Variants in CHST5 observed in about 807,000 individuals in gnomAD.
CHST5 encodes carbohydrate sulfotransferase 5, also known as GST4-alpha.
For synonymous variants in CHST5, 313 were observed against 279.2 expected (o/e 1.12, Z -1.21); for missense variants, 637 against 602.1 (o/e 1.06, Z -0.61).
intron 2 of CHST5, among the ~76,000 whole-genome samples, chr16:75,533,442 G>A (rs2080539576): frequency 6.6e-6 from 1 of 152,184 alleles, no homozygotes; most frequent in African/African-American, 2.4e-5. Flanking sequence ...GCAGGGCCCT[G>A]TGGTGGGTCA....
At position 75,529,598 on chromosome 16, in the gene CHST5, G is replaced by C. The variant is rs2080495027; in HGVS notation, c.787C>G (p.Leu263Val). 1.9e-6 allele frequency: 3 copies of C among 1,610,484 alleles called. No individual in the cohort carries two copies. The highest frequency in any genetic ancestry group is 2.5e-6 in the Non-Finnish European group (3 of 1,178,968). The stretch of plus-strand genomic sequence containing the variant: ...TGGCTGCGGCACACCTCGCGAATCA[G>C]GCGCAGGTGAGGGTCGGCCTCCACC... Reference protein sequence around the residue: ...KWVEADPHLRLIREVCRSHVR... With the variant: ...KWVEADPHLRVIREVCRSHVR... Residue 263 changes from leucine to valine, a missense_variant, in exon 4 of 4, where the codon CTG becomes GTG. Transcript: ENST00000336257.
chr16:75,533,212 T>C (rs896809903), intron 2 of CHST5, 29 bp from the exon 3 acceptor site: 24 of 702,272 alleles, frequency 3.4e-5, no homozygotes, highest in Non-Finnish European at 5.5e-5. Context: ...TTCAGCACAG[T>C]GGACAATTGG....
chr16:75,535,638 C>T (rs1467105013), intron 1 of CHST5, among the ~76,000 whole-genome samples: 1 of 152,172 alleles, frequency 6.6e-6, no homozygotes, highest in Non-Finnish European at 1.5e-5. Flanking sequence ...CCGGCGGGAG[C>T]CAGGGAAATG....
In CHST5 at chr16:75,529,924, G is replaced by A. The variant is rs765605385; in HGVS notation, c.461C>T (p.Pro154Leu). The A allele has an allele frequency of 3.1e-6, 5 of 1,613,268 alleles. No individual in the cohort carries two copies. The highest frequency in any genetic ancestry group is 3.4e-6 in the Non-Finnish European group (4 of 1,179,938). The change falls in exon 4 of 4, where the codon CCG (proline) becomes CTG (leucine). Residue 154 changes from proline to leucine, a missense_variant. Physicochemically the swap from Pro to Leu is moderately conservative, Grantham distance 98. Transcript: ENST00000336257. ...NWATSRALCSPPACSAFPRGT... is the reference protein window; with the variant it reads ...NWATSRALCSLPACSAFPRGT... ...TCGGGGAAAGGCGCTGCAGGCGGGC[G>A]GCGAGCACAGCGCGCGGCTCGTTGC...
At position 75,530,263 on chromosome 16, in the gene CHST5, G is replaced by A. The variant is rs1385867619; in HGVS notation, c.122C>T (p.Thr41Ile). The change falls in exon 4 of 4, where the codon ACC becomes ATC. Residue 41 changes from threonine (T) to isoleucine (I), a missense_variant. By Grantham distance (89) the Thr-to-Ile change is moderately conservative. Transcript: ENST00000336257. ...GGAGATGATGAAGAGCAGGAGGCAGGTGGTCTGTGCCAGGAGGAGCACTGT... is the reference window on the plus strand; with the variant it reads ...GGAGATGATGAAGAGCAGGAGGCAGATGGTCTGTGCCAGGAGGAGCACTGT... ...TVTVLLLAQT[T>I]CLLLFIISRP... is the part of the protein sequence containing the mutation. The A allele has an allele frequency of 1.2e-6, 2 of 1,613,416 alleles. No homozygotes were observed. Among genetic ancestry groups the A allele is most frequent in the South Asian group, 1.1e-5 (1 of 91,028 alleles).
chr16:75,535,931 C>A (rs544735223), intron 1 of CHST5, among the ~76,000 whole-genome samples, 113 bp downstream of exon 1: 19 of 152,338 alleles, frequency 1.2e-4, no homozygotes, highest in African/African-American at 4.6e-4. Context: ...TGAAGGAAGT[C>A]GAATCTTAAT....
Position 75,528,950 on chromosome 16 carries a change from G to C in CHST5, c.*199C>G. 1 of 570,718 alleles carries C rather than the reference G, an allele frequency of 1.8e-6. No individual in the cohort carries two copies. The highest frequency in any genetic ancestry group is 2.7e-5 in the South Asian group (1 of 36,762). The allele number at this position is 570,718 out of a possible 1,614,324, so 35.4% of individuals were successfully genotyped here. A position where few individuals can be genotyped will look rare whatever the true frequency, so the allele number is the denominator to read the frequency against. On this transcript the variant is annotated 3_prime_UTR_variant, in exon 4 of 4. Coordinates refer to ENST00000336257, the MANE Select transcript of CHST5 (RefSeq NM_024533.5). Reference sequence around the variant, plus strand: ...GAAGAGTGCACCTGATGAGAAGGCAGCTCCAGAAGACTCAAAGGAAAACCG... The same window carrying C: ...GAAGAGTGCACCTGATGAGAAGGCACCTCCAGAAGACTCAAAGGAAAACCG...
rs1193869466 is a variant in CHST5, at chr16:75,529,407, G to A, written c.978C>T (p.His326=). The A allele has an allele frequency of 1.9e-6, 3 of 1,613,096 alleles. No individual in the cohort carries two copies. The highest frequency in any genetic ancestry group is 2.5e-6 in the Non-Finnish European group (3 of 1,179,922). Residue 326 remains histidine, a synonymous_variant, in exon 4 of 4, where the codon CAC becomes CAT. Transcript: ENST00000336257. ...TLTPQLEAWI[H]NITHGSGIGK... ...CGATCCCCGACCCGTGGGTGATGTT[G>A]TGGATCCAGGCCTCGAGCTGTGGCG...
At chr16:75,532,025 A>G (rs1223838542) in intron 3 of CHST5, among the ~76,000 whole-genome samples, 1 of 152,154 alleles carries the variant, frequency 6.6e-6, no homozygotes, top group Non-Finnish European at 1.5e-5. Context: ...GATTTGCAAT[A>G]TTTAACCTCT....
rs915652976 is a variant in CHST5, at chr16:75,529,952, A to G, written c.433T>C (p.Trp145Arg). The change falls in exon 4 of 4, where the codon TGG becomes CGG. Residue 145 changes from tryptophan (W) to arginine (R), a missense_variant. Trp to Arg is a moderately radical substitution (Grantham distance 101). Coordinates refer to ENST00000336257, the MANE Select transcript of CHST5 (RefSeq NM_024533.5). ...GAGCACAGCGCGCGGCTCGTTGCCC[A>G]GTTGAAAAAGGCGGACAGGTTTCGG... is the stretch of plus-strand genomic sequence containing the variant. Reference protein sequence around the residue: ...QSRNLSAFFNWATSRALCSPP... With the variant: ...QSRNLSAFFNRATSRALCSPP... 6.2e-7 allele frequency: 1 copy of G among 1,613,288 alleles called. No homozygotes were observed. Among genetic ancestry groups the G allele is most frequent in the South Asian group, 1.1e-5 (1 of 91,090 alleles).
intron 3 of CHST5, among the ~76,000 whole-genome samples, chr16:75,531,888 CG>C (rs1433873080): frequency 6.6e-6 from 1 of 152,086 alleles, no homozygotes; most frequent in Non-Finnish European, 1.5e-5. Flanking sequence ...TGGGAACTGG[CG>C]GGGTCTCCTG....
At chr16:75,532,513 T>C (rs1219592470) in intron 3 of CHST5, among the ~76,000 whole-genome samples, 1 of 152,148 alleles carries the variant, frequency 6.6e-6, no homozygotes, top group Non-Finnish European at 1.5e-5. Flanking sequence ...AGGGTCTAAC[T>C]TGTGAGCAGA....
Position 75,528,767 on chromosome 16 carries a change from C to T in CHST5, c.*382G>A, listed in dbSNP as rs563048240. On this transcript the variant is annotated 3_prime_UTR_variant, in exon 4 of 4. Transcript: ENST00000336257. ...TTCACTATGTTGGCCAGGCTGGTTT[C>T]GAACTCCTGACCTCAGGTGATCCAC... is the stretch of plus-strand genomic sequence containing the variant. The T allele has an allele frequency of 1.2e-5, 2 of 165,996 alleles. No homozygotes were observed. The highest frequency in any genetic ancestry group is 1.7e-4 in the South Asian group (1 of 5,798). 10.3% of individuals were successfully genotyped at this position (165,996 alleles called of 1,614,324 possible). A position where few individuals can be genotyped will look rare whatever the true frequency, so the allele number is the denominator to read the frequency against.
intron 2 of CHST5, among the ~76,000 whole-genome samples, chr16:75,533,509 C>G (rs1415898245): frequency 6.6e-6 from 1 of 152,130 alleles, no homozygotes; most frequent in Non-Finnish European, 1.5e-5. Context: ...GTCCCCTTCC[C>G]CTCTAAATTC....
In CHST5 at chr16:75,529,888, C is replaced by G; in HGVS notation, c.497G>C (p.Ser166Thr). Residue 166 changes from serine to threonine, a missense_variant, in exon 4 of 4, where the codon AGC (serine) becomes ACC (threonine). Physicochemically the swap from Ser to Thr is moderately conservative, Grantham distance 58. Coordinates refer to ENST00000336257, the MANE Select transcript of CHST5 (RefSeq NM_024533.5). ...CAGTGTCTTGCATACGTCCTGCTTG[C>G]TGATGGTGCCTCGGGGAAAGGCGCT... Reference protein sequence around the residue: ...ACSAFPRGTISKQDVCKTLCT... With the variant: ...ACSAFPRGTITKQDVCKTLCT... The G allele has an allele frequency of 6.2e-7, 1 of 1,613,542 alleles. No homozygotes were observed. Among genetic ancestry groups the G allele is most frequent in the Non-Finnish European group, 8.5e-7 (1 of 1,179,944 alleles).
intron 2 of CHST5, among the ~76,000 whole-genome samples, chr16:75,534,426 C>T (rs557389297): frequency 6.6e-6 from 1 of 152,302 alleles, no homozygotes; most frequent in Admixed American, 6.5e-5. Context: ...CGGGGCGGAT[C>T]ACCTGAGGTC....
At chr16:75,534,881 C>T (rs2080550374) in intron 2 of CHST5, among the ~76,000 whole-genome samples, 1 of 152,226 alleles carries the variant, frequency 6.6e-6, no homozygotes, top group Admixed American at 6.5e-5. Context: ...AACCCGCACC[C>T]CGACCCCTGC....
In CHST5 at chr16:75,529,964, C is replaced by A; in HGVS notation, c.421G>T (p.Ala141Ser). 6.2e-7 allele frequency: 1 copy of A among 1,613,276 alleles called. No individual in the cohort carries two copies. Among genetic ancestry groups the A allele is most frequent in the East Asian group, 2.2e-5 (1 of 44,872 alleles). ...AYMPQSRNLS[A>S]FFNWATSRAL... is the part of the protein sequence containing the mutation. ...CGGCTCGTTGCCCAGTTGAAAAAGG[C>A]GGACAGGTTTCGGCTCTGTGGCATG... Residue 141 changes from alanine to serine, a missense_variant, in exon 4 of 4, where the codon GCC becomes TCC. By Grantham distance (99) the Ala-to-Ser change is moderately conservative. Transcript: ENST00000336257.
chr16:75,531,944 A>T (rs1043675290), intron 3 of CHST5, among the ~76,000 whole-genome samples: 1 of 152,164 alleles, frequency 6.6e-6, no homozygotes, highest in Non-Finnish European at 1.5e-5. Context: ...AGCACTGCCA[A>T]TGGGGAGCTA....
Sources: gnomAD v4.1 joint callset for allele counts (sites outside exome capture counted in the v4.1 genomes callset) on GRCh38, gnomAD v4.1.1 for gene constraint, MANE v1.5 for transcripts, NCBI Gene and HGNC (gene_info 2026-07-23, HGNC 2026-07-21) for gene names.